The following REDIC1 variants were observed in gnomAD, a reference collection of about 807,000 sequenced individuals.
REDIC1 encodes the protein regulator of DNA class I crossover intermediates 1.
At chr12:39,720,279 T>TTA in the REDIC1 span, among the ~76,000 whole-genome samples, 901 of 150,868 alleles carry the variant, frequency 6.0e-3, 13 homozygotes, top group East Asian at 0.069. Flanking sequence ...CTTCTTAAGA[T>TTA]TATATATATA....
the REDIC1 span, among the ~76,000 whole-genome samples, chr12:39,899,912 A>G: frequency 6.6e-6 from 1 of 152,052 alleles, no homozygotes; most frequent in Non-Finnish European, 1.5e-5. Flanking sequence ...TATGTGGTCA[A>G]TTTTGGAATA....
At chr12:39,813,451 T>C in the REDIC1 span, among the ~76,000 whole-genome samples, 28 of 152,206 alleles carry the variant, frequency 1.8e-4, no homozygotes, top group Admixed American at 3.9e-4. Context: ...CTCTCCTGGG[T>C]TACTCTGAAG....
chr12:39,807,823 A>G, the REDIC1 span, among the ~76,000 whole-genome samples: 1 of 152,128 alleles, frequency 6.6e-6, no homozygotes, highest in Non-Finnish European at 1.5e-5. Context: ...CCAACTTTTA[A>G]TAATCGTACC....
At chr12:39,711,248 GTA>G in the REDIC1 span, among the ~76,000 whole-genome samples, 55 of 148,554 alleles carry the variant, frequency 3.7e-4, no homozygotes, top group South Asian at 5.1e-3. Context: ...TATGTGATGT[GTA>G]TATATATATG....
chr12:39,724,777 G>T, the REDIC1 span, among the ~76,000 whole-genome samples: 1 of 152,082 alleles, frequency 6.6e-6, no homozygotes, highest in Non-Finnish European at 1.5e-5. Flanking sequence ...GAGAGAATTT[G>T]TGAAGTGAAA....
the REDIC1 span, among the ~76,000 whole-genome samples, chr12:39,892,526 A>T: frequency 6.6e-6 from 1 of 152,164 alleles, no homozygotes; most frequent in African/African-American, 2.4e-5. Context: ...ATTTTTTTTT[A>T]AACTACTGTA....
At chr12:39,770,955 G>T in the REDIC1 span, among the ~76,000 whole-genome samples, 1 of 152,136 alleles carries the variant, frequency 6.6e-6, no homozygotes, top group Non-Finnish European at 1.5e-5. Flanking sequence ...ATATCTCAAA[G>T]CTGTGTCATC....
At chr12:39,647,737 C>T in the REDIC1 span, 1 of 1,233,926 alleles carries the variant, frequency 8.1e-7, no homozygotes, top group Middle Eastern at 2.0e-4. Flanking sequence ...TGACTTTCCT[C>T]TTCTCTAGTT....
chr12:39,632,187 C>T, the REDIC1 span, among the ~76,000 whole-genome samples: 4 of 152,022 alleles, frequency 2.6e-5, no homozygotes, highest in Non-Finnish European at 4.4e-5. Context: ...ACTTCCAACT[C>T]CCAGGTTCAA....
the REDIC1 span, among the ~76,000 whole-genome samples, chr12:39,863,586 G>A: frequency 6.6e-6 from 1 of 152,118 alleles, no homozygotes; most frequent in South Asian, 2.1e-4. Flanking sequence ...AAGAAAAGTA[G>A]AATATGCATT....
chr12:39,837,623 T>G, the REDIC1 span, among the ~76,000 whole-genome samples: 12,137 of 147,754 alleles, frequency 0.082, 649 homozygotes, highest in Non-Finnish European at 0.1. Flanking sequence ...GAATCTACAA[T>G]GAACTCCAAC....
chr12:39,699,968 A>G, the REDIC1 span, among the ~76,000 whole-genome samples: 2 of 152,034 alleles, frequency 1.3e-5, no homozygotes, highest in East Asian at 3.8e-4. Context: ...CCAAAAGTAG[A>G]TAAAACCACA....
At chr12:39,830,055 C>A in the REDIC1 span, 1 of 1,610,314 alleles carries the variant, frequency 6.2e-7, no homozygotes, top group East Asian at 2.2e-5. Context: ...ACATAAGCCT[C>A]GTTTTGAAAT....
At chr12:39,648,090 C>G in the REDIC1 span, 2 of 687,670 alleles carry the variant, frequency 2.9e-6, no homozygotes, top group Non-Finnish European at 4.2e-6. Flanking sequence ...TACATATAAA[C>G]AAATTAGGAG....
chr12:39,641,658 A>G, the REDIC1 span, among the ~76,000 whole-genome samples: 1 of 151,810 alleles, frequency 6.6e-6, no homozygotes, highest in Non-Finnish European at 1.5e-5. Flanking sequence ...GATGAATCTC[A>G]AATACATAAT....
chr12:39,700,700 CCCTCA>C, the REDIC1 span, among the ~76,000 whole-genome samples: 1 of 152,038 alleles, frequency 6.6e-6, no homozygotes, highest in East Asian at 1.9e-4. Context: ...GGTCGGGTTA[CCCTCA>C]AAGGGAAGCC....
chr12:39,695,530 G>GGT, the REDIC1 span, among the ~76,000 whole-genome samples: 1 of 152,100 alleles, frequency 6.6e-6, no homozygotes, highest in South Asian at 2.1e-4. Flanking sequence ...GAAAGGGAAG[G>GGT]GTGGGAAGGA....
chr12:39,786,423 T>C, the REDIC1 span, among the ~76,000 whole-genome samples: 5 of 10,420 alleles, frequency 4.8e-4, no homozygotes, highest in Admixed American at 4.2e-3. Context: ...TCCAGTTAAA[T>C]CTCTTTTTCT....
the REDIC1 span, among the ~76,000 whole-genome samples, chr12:39,804,474 C>T: frequency 6.6e-6 from 1 of 152,106 alleles, no homozygotes; most frequent in Non-Finnish European, 1.5e-5. Flanking sequence ...TAATAATAAC[C>T]TGTCAAAACC....
Sources: gnomAD v4.1 joint callset for allele counts (sites outside exome capture counted in the v4.1 genomes callset) on GRCh38, gnomAD v4.1.1 for gene constraint, MANE v1.5 for transcripts, NCBI Gene and HGNC (gene_info 2026-07-23, HGNC 2026-07-21) for gene names.